The following CNTNAP2 variants were observed in gnomAD, a reference collection of about 807,000 sequenced individuals.
The protein encoded by CNTNAP2 is contactin-associated protein-like 2.
CNTNAP2 carries 98 observed loss-of-function variants against 155.2 expected under a neutral mutation model. The observed-to-expected ratio is 0.63, with a 90% CI of 0.54 to 0.75. CNTNAP2 has a LOEUF of 0.75. CNTNAP2 is among the 30% of genes least tolerant of loss of function. CNTNAP2 has a pLI of 0.00. For missense variants in CNTNAP2, 1,727 were observed against 1,688.1 expected, an observed-to-expected ratio of 1.02 and a Z score of -0.40; for synonymous variants, 651 against 631.2, an observed-to-expected ratio of 1.03 and a Z score of -0.47.
intron 15 of CNTNAP2, among the ~76,000 whole-genome samples, chr7:148,062,281 A>G (rs1216088169): frequency 6.6e-6 from 1 of 152,170 alleles, no homozygotes. Context: ...AAAGACTTCA[A>G]AAACCTTTTT....
intron 13 of CNTNAP2, among the ~76,000 whole-genome samples, chr7:147,868,823 G>C (rs1328241542): frequency 6.6e-6 from 1 of 152,234 alleles, no homozygotes; most frequent in Non-Finnish European, 1.5e-5. Context: ...CTAAGACCTT[G>C]GGAAAAGTGC....
chr7:148,234,449 G>A (rs932786965), intron 20 of CNTNAP2, among the ~76,000 whole-genome samples: 4 of 152,088 alleles, frequency 2.6e-5, no homozygotes, highest in African/African-American at 4.8e-5. Flanking sequence ...TACAAATTTC[G>A]ACATTTTGCC....
At chr7:147,668,177 G>A (rs1377686689) in intron 13 of CNTNAP2, among the ~76,000 whole-genome samples, 1 of 151,590 alleles carries the variant, frequency 6.6e-6, no homozygotes, top group African/African-American at 2.4e-5. Context: ...AGAAGAAAAG[G>A]AAAACCCCCA....
At chr7:147,175,433 C>G (rs1015757321) in intron 8 of CNTNAP2, among the ~76,000 whole-genome samples, 2 of 152,086 alleles carry the variant, frequency 1.3e-5, no homozygotes, top group African/African-American at 2.4e-5. Flanking sequence ...CTATTAAATG[C>G]TACTACTCAA....
intron 17 of CNTNAP2, among the ~76,000 whole-genome samples, chr7:148,157,502 A>G (rs2116667813): frequency 6.6e-6 from 1 of 151,714 alleles, no homozygotes; most frequent in South Asian, 2.1e-4. Flanking sequence ...GATGATATTT[A>G]CCATCTTGGG....
chr7:147,568,080 C>T (rs1055281391), intron 12 of CNTNAP2, among the ~76,000 whole-genome samples: 7 of 151,744 alleles, frequency 4.6e-5, no homozygotes, highest in South Asian at 2.1e-4. Flanking sequence ...AGCGAGACTC[C>T]GTCTCAAAAA....
At chr7:146,470,570 T>C (rs1402326825) in intron 1 of CNTNAP2, among the ~76,000 whole-genome samples, 2 of 152,114 alleles carry the variant, frequency 1.3e-5, no homozygotes, top group African/African-American at 4.8e-5. Context: ...TTATTTTATT[T>C]TATTTTGTTT....
intron 1 of CNTNAP2, among the ~76,000 whole-genome samples, chr7:146,120,984 A>G (rs1308960756): frequency 6.6e-6 from 1 of 152,074 alleles, no homozygotes. Flanking sequence ...ATGATGATAT[A>G]TGTTTTTTGT....
At chr7:146,307,640 C>G (rs1265546771) in intron 1 of CNTNAP2, among the ~76,000 whole-genome samples, 1 of 152,050 alleles carries the variant, frequency 6.6e-6, no homozygotes, top group Non-Finnish European at 1.5e-5. Flanking sequence ...AGATACAGAC[C>G]AATGGAACAG....
chr7:147,071,040 G>A (rs1013519011), intron 4 of CNTNAP2, among the ~76,000 whole-genome samples: 2 of 151,956 alleles, frequency 1.3e-5, no homozygotes, highest in African/African-American at 4.8e-5. Flanking sequence ...ATCCCTCTGT[G>A]TCTTCAACTC....
chr7:148,055,050 T>A (rs1228371853), intron 15 of CNTNAP2, among the ~76,000 whole-genome samples: 1 of 150,496 alleles, frequency 6.6e-6, no homozygotes, highest in Non-Finnish European at 1.5e-5. Flanking sequence ...GCCTGGCTAA[T>A]TTTTTTGTAT....
chr7:146,952,779 G>A (rs529091418), intron 3 of CNTNAP2, among the ~76,000 whole-genome samples: 22 of 152,016 alleles, frequency 1.4e-4, no homozygotes, highest in South Asian at 4.1e-4. Context: ...AAATAAGAAA[G>A]GACTTTTCTT....
At chr7:146,337,353 C>T (rs1801294349) in intron 1 of CNTNAP2, among the ~76,000 whole-genome samples, 1 of 150,558 alleles carries the variant, frequency 6.6e-6, no homozygotes, top group Admixed American at 6.6e-5. Context: ...TGAGAAGAAA[C>T]TACTGCTAGT....
chr7:148,178,154 CA>C (rs1004063126), intron 18 of CNTNAP2, among the ~76,000 whole-genome samples: 35 of 152,146 alleles, frequency 2.3e-4, no homozygotes, highest in African/African-American at 8.4e-4. Context: ...TTCACCAAGC[CA>C]AGTTAAGCAA....
At chr7:146,390,806 C>T (rs1361464616) in intron 1 of CNTNAP2, among the ~76,000 whole-genome samples, 3 of 138,130 alleles carry the variant, frequency 2.2e-5, no homozygotes, top group South Asian at 2.4e-4. Context: ...TGGTGGCTCG[C>T]GCCTGTAATC....
At chr7:148,161,770 T>C (rs2116675102) in intron 17 of CNTNAP2, among the ~76,000 whole-genome samples, 1 of 152,360 alleles carries the variant, frequency 6.6e-6, no homozygotes, top group African/African-American at 2.4e-5. Flanking sequence ...TTCCTTGACT[T>C]CTTGCTCTTA....
At chr7:146,968,643 G>T (rs1448275863) in intron 3 of CNTNAP2, among the ~76,000 whole-genome samples, 1 of 150,646 alleles carries the variant, frequency 6.6e-6, no homozygotes, top group Non-Finnish European at 1.5e-5. Context: ...ATTTCTGTGG[G>T]ATCGGTGGTG....
intron 21 of CNTNAP2, among the ~76,000 whole-genome samples, chr7:148,381,964 T>G (rs779061316): frequency 5.9e-5 from 9 of 152,158 alleles, no homozygotes; most frequent in Non-Finnish European, 8.8e-5. Context: ...GAAGTACTGG[T>G]TCTGTTCTCC....
chr7:146,969,166 G>T (rs1353099313), intron 3 of CNTNAP2, among the ~76,000 whole-genome samples: 4 of 151,978 alleles, frequency 2.6e-5, no homozygotes, highest in Non-Finnish European at 4.4e-5. Flanking sequence ...TTGCACTGTG[G>T]TCTGAGAGAC....
Sources: allele counts gnomAD v4.1 joint callset (sites outside exome capture counted in the v4.1 genomes callset), GRCh38; gene constraint gnomAD v4.1.1; transcripts MANE v1.5; gene names NCBI Gene and HGNC (gene_info 2026-07-23, HGNC 2026-07-21).